The following FARSB variants were observed in gnomAD, a reference collection of about 807,000 sequenced individuals.
FARSB encodes phenylalanine--tRNA ligase beta subunit.
A neutral mutation model predicts 69.6 loss-of-function variants in FARSB; 40 were observed. The ratio of observed to expected loss-of-function variants is 0.57; its 90% CI spans 0.45 to 0.75. The LOEUF (loss-of-function observed/expected upper bound fraction) is 0.75. Ranked by LOEUF, FARSB falls within the 30% of genes least tolerant of loss-of-function variation. The pLI is 0.00. For synonymous variants in FARSB, 235 were observed against 247.2 expected (o/e 0.95, Z 0.46); for missense variants, 632 against 722.9 (o/e 0.87, Z 1.44).
At chr2:222,580,584 A>G (rs761336678) in intron 16 of FARSB, among the ~76,000 whole-genome samples, 3 of 152,196 alleles carry the variant, frequency 2.0e-5, no homozygotes, top group Non-Finnish European at 4.4e-5. Flanking sequence ...ATGCACTTCT[A>G]GTAGTGGTAC....
intron 16 of FARSB, among the ~76,000 whole-genome samples, chr2:222,578,821 A>G (rs1227031040): frequency 1.3e-5 from 2 of 150,068 alleles, no homozygotes; most frequent in Non-Finnish European, 3.0e-5. Flanking sequence ...CTACTAAAAA[A>G]TACAAAAAAA....
chr2:222,631,243 TAAGTC>T (rs911959862), intron 8 of FARSB, among the ~76,000 whole-genome samples: 1 of 152,078 alleles, frequency 6.6e-6, no homozygotes, highest in Non-Finnish European at 1.5e-5. Context: ...GCATATAAAT[TAAGTC>T]AACTAGATAA....
At position 222,628,865 on chromosome 2, in the gene FARSB, A is replaced by G. The variant is rs1341066346; in HGVS notation, c.872T>C (p.Phe291Ser). The change falls in exon 10 of 17, where the codon TTT (phenylalanine) becomes TCT (serine). Residue 291 changes from phenylalanine (F) to serine (S), a missense_variant. Physicochemically the swap from Phe to Ser is radical, Grantham distance 155. Coordinates refer to ENST00000281828, the MANE Select transcript of FARSB (RefSeq NM_005687.5). Reference sequence around the variant, plus strand: ...AAAGGTATGTGATTTTCCATTAGGAAAAACCACTTCAGCAGCTTCGACCCT... The same window carrying G: ...AAAGGTATGTGATTTTCCATTAGGAGAAACCACTTCAGCAGCTTCGACCCT... ...QFTVEAAEVVFPNGKSHTFPE... is the reference protein window; with the variant it reads ...QFTVEAAEVVSPNGKSHTFPE... The G allele has an allele frequency of 6.2e-7, 1 of 1,610,248 alleles. No homozygotes were observed.
At chr2:222,653,251 G>A (rs1692082934) in intron 1 of FARSB, among the ~76,000 whole-genome samples, 1 of 152,188 alleles carries the variant, frequency 6.6e-6, no homozygotes, top group African/African-American at 2.4e-5. Context: ...ATGGCAAACA[G>A]CTTGAAAGAG....
intron 15 of FARSB, among the ~76,000 whole-genome samples, chr2:222,605,132 A>T (rs1178655850): frequency 6.8e-6 from 1 of 147,914 alleles, no homozygotes; most frequent in East Asian, 2.0e-4. Flanking sequence ...TAAATTGAAG[A>T]GCCTGATTCC....
At chr2:222,637,780 A>T (rs982278049) in intron 5 of FARSB, among the ~76,000 whole-genome samples, 2 of 152,136 alleles carry the variant, frequency 1.3e-5, no homozygotes, top group African/African-American at 4.8e-5. Context: ...AAAGCCTATA[A>T]GGCCAGCCTG....
Position 222,591,639 on chromosome 2 carries a change from C to CT in FARSB, c.1618+8288dup, listed in dbSNP as rs577638114. 1.5e-3 allele frequency among the ~76,000 whole-genome samples: 236 copies of CT among 152,310 alleles called. 1 individual carries two copies. Among genetic ancestry groups the CT allele is most frequent in the Admixed American group, 0.014 (207 of 15,290 alleles). ...ATTTTCTACAAGGGTGGGCTTCAAA[C>CT]TTTTGTAAGACAGGTAACCCTTTGT... is the stretch of plus-strand genomic sequence containing the variant. On this transcript the variant is annotated intron_variant, in intron 16 of 16. Transcript: ENST00000281828.
At chr2:222,613,583 T>C (rs1690912159) in intron 15 of FARSB, among the ~76,000 whole-genome samples, 1 of 152,152 alleles carries the variant, frequency 6.6e-6, no homozygotes, top group Non-Finnish European at 1.5e-5. Flanking sequence ...CTAAAGTGTT[T>C]GCTGATGAAA....
intron 2 of FARSB, among the ~76,000 whole-genome samples, chr2:222,643,306 T>C (rs1385079622): frequency 6.6e-6 from 1 of 152,196 alleles, no homozygotes; most frequent in Non-Finnish European, 1.5e-5. Flanking sequence ...AAATCATACC[T>C]GATACTTGTT....
chr2:222,616,908 T>G (rs900748534), intron 14 of FARSB, among the ~76,000 whole-genome samples: 1 of 152,096 alleles, frequency 6.6e-6, no homozygotes, highest in East Asian at 1.9e-4. Flanking sequence ...TAAAGCAAGG[T>G]AAAATATAGA....
chr2:222,625,575 C>A (rs945438841), intron 10 of FARSB, among the ~76,000 whole-genome samples: 3 of 152,156 alleles, frequency 2.0e-5, no homozygotes, highest in Non-Finnish European at 4.4e-5. Context: ...GGCAGTGACA[C>A]CAGAGCTACT....
chr2:222,607,306 C>A (rs1690725147), intron 15 of FARSB, among the ~76,000 whole-genome samples: 1 of 152,018 alleles, frequency 6.6e-6, no homozygotes, highest in African/African-American at 2.4e-5. Context: ...CTAAAAATAC[C>A]TATTTGTATA....
At chr2:222,629,987 C>A in intron 9 of FARSB, 126 bp downstream of exon 9, 1 of 625,618 alleles carries the variant, frequency 1.6e-6, no homozygotes, top group East Asian at 3.3e-5. Context: ...GCAATCCTCC[C>A]GCCTCAGCCT....
chr2:222,577,742 C>T (rs1574908135), intron 16 of FARSB, among the ~76,000 whole-genome samples: 1 of 152,298 alleles, frequency 6.6e-6, no homozygotes, highest in East Asian at 1.9e-4. Flanking sequence ...TCCAAAATTT[C>T]CCAGTCTTAA....
At chr2:222,619,775 C>T in intron 13 of FARSB, 38 bp from the exon 14 acceptor site, 1 of 1,131,248 alleles carries the variant, frequency 8.8e-7, no homozygotes. Flanking sequence ...TATGGAAAAG[C>T]AATTACTTAA....
At chr2:222,585,836 C>T (rs1253545461) in intron 16 of FARSB, among the ~76,000 whole-genome samples, 3 of 152,116 alleles carry the variant, frequency 2.0e-5, no homozygotes, top group African/African-American at 7.2e-5. Flanking sequence ...AAGAAATGAA[C>T]AAAGCCTCCA....
At chr2:222,610,566 A>C (rs1574930490) in intron 15 of FARSB, among the ~76,000 whole-genome samples, 1 of 152,208 alleles carries the variant, frequency 6.6e-6, no homozygotes, top group Non-Finnish European at 1.5e-5. Flanking sequence ...AAAAGTTAGG[A>C]TAAGAATTGG....
chr2:222,617,684 G>A (rs920326782), intron 14 of FARSB, among the ~76,000 whole-genome samples: 3 of 152,166 alleles, frequency 2.0e-5, no homozygotes, highest in Non-Finnish European at 4.4e-5. Context: ...GGGAGTTCGA[G>A]ACCAGCCTGT....
chr2:222,655,879 C>T, intron 1 of FARSB, 137 bp downstream of exon 1: 1 of 685,650 alleles, frequency 1.5e-6, no homozygotes, highest in Non-Finnish European at 2.6e-6. Context: ...CCACCATCAT[C>T]GGCCTTCCCG....
Sources: gnomAD v4.1 joint callset for allele counts (sites outside exome capture counted in the v4.1 genomes callset) on GRCh38, gnomAD v4.1.1 for gene constraint, MANE v1.5 for transcripts, NCBI Gene and HGNC (gene_info 2026-07-23, HGNC 2026-07-21) for gene names.